IL23R: variants seen among roughly 807,000 people sequenced by gnomAD.
The protein encoded by IL23R is interleukin 23 receptor, also known as interleukin-23 receptor.
A neutral mutation model predicts 56.9 loss-of-function variants in IL23R; 34 were observed. The observed-to-expected ratio is 0.60, with a 90% CI of 0.45 to 0.80. The LOEUF is 0.80. IL23R is among the 30% of genes least tolerant of loss of function. IL23R has a pLI of 0.00. For synonymous variants in IL23R, 230 were observed against 249.2 expected, an observed-to-expected ratio of 0.92 and a Z score of 0.73; for missense variants, 635 against 730.0, an observed-to-expected ratio of 0.87 and a Z score of 1.50.
At chr1:67,232,599 A>T (rs987257378) in intron 7 of IL23R, among the ~76,000 whole-genome samples, 1 of 152,234 alleles carries the variant, frequency 6.6e-6, no homozygotes, top group African/African-American at 2.4e-5. Context: ...CCTTATCCGT[A>T]TAATGAGGAT....
At chr1:67,190,551 A>G (rs1647667009) in intron 4 of IL23R, among the ~76,000 whole-genome samples, 1 of 152,144 alleles carries the variant, frequency 6.6e-6, no homozygotes, top group South Asian at 2.1e-4. Context: ...AAACACTGGT[A>G]ATGTCTGGCT....
intron 9 of IL23R, among the ~76,000 whole-genome samples, chr1:67,248,196 C>T (rs184465519): frequency 6.6e-6 from 1 of 152,124 alleles, no homozygotes; most frequent in Non-Finnish European, 1.5e-5. Context: ...TGGATAATAT[C>T]CTGAAATGTG....
At position 67,258,550 on chromosome 1, in the gene IL23R, A is replaced by G; in HGVS notation, c.1312A>G (p.Lys438Glu). Reference protein sequence around the residue: ...LYVDPMITEIKEIFIPEHKPT... With the variant: ...LYVDPMITEIEEIFIPEHKPT... ...TGTTGATCCCATGATTACAGAGATA[A>G]AAGAAATCTTCATCCCAGAACACAA... is the stretch of plus-strand genomic sequence containing the variant. The change falls in exon 11 of 11, where the codon AAA becomes GAA. Residue 438 changes from lysine (K) to glutamate (E), a missense_variant. Physicochemically the swap from Lys to Glu is moderately conservative, Grantham distance 56. Transcript: ENST00000347310. 1 of 1,609,042 alleles carries G rather than the reference A, an allele frequency of 6.2e-7. No homozygotes were observed. Among genetic ancestry groups the G allele is most frequent in the South Asian group, 1.1e-5 (1 of 90,048 alleles).
At position 67,258,396 on chromosome 1, in the gene IL23R, C is replaced by T. The variant is rs147002812; in HGVS notation, c.1240-82C>T. The T allele has an allele frequency of 2.8e-6, 3 of 1,081,624 alleles. No individual in the cohort carries two copies. The African/African-American group carries it at 4.7e-5, about 17-fold the overall frequency. 67.0% of individuals were successfully genotyped at this position (1,081,624 alleles called of 1,614,324 possible). The stretch of plus-strand genomic sequence containing the variant: ...GGGAGAAAGGAAAGTTGAAAGAAAG[C>T]AAAATTCCTATCCTCATTCAATTAT... On this transcript the variant is annotated intron_variant, in intron 10 of 10. Transcript: ENST00000347310.
At chr1:67,240,791 A>G (rs769121844) in intron 9 of IL23R, among the ~76,000 whole-genome samples, 1 of 152,250 alleles carries the variant, frequency 6.6e-6, no homozygotes, top group Non-Finnish European at 1.5e-5. Context: ...GAATTACAGC[A>G]GATTCAGAAA....
intron 1 of IL23R, among the ~76,000 whole-genome samples, chr1:67,149,891 T>G (rs979656327): frequency 6.6e-6 from 1 of 152,202 alleles, no homozygotes; most frequent in African/African-American, 2.4e-5. Context: ...TATATACAGT[T>G]AACTACTTTT....
intron 9 of IL23R, among the ~76,000 whole-genome samples, chr1:67,253,367 G>A (rs1034607039): frequency 7.2e-5 from 11 of 152,162 alleles, no homozygotes; most frequent in Admixed American, 3.9e-4. Flanking sequence ...TAAGCTGCTC[G>A]ATAGATTAGA....
intron 6 of IL23R, among the ~76,000 whole-genome samples, chr1:67,214,777 T>C (rs554790238): frequency 7.9e-5 from 12 of 152,356 alleles, no homozygotes; most frequent in African/African-American, 1.2e-4. Context: ...TATTGTTTTA[T>C]ATTTTTTTAT....
chr1:67,218,358 G>GTATATATA (rs1270428311), intron 6 of IL23R, among the ~76,000 whole-genome samples: 59 of 137,842 alleles, frequency 4.3e-4, no homozygotes, highest in South Asian at 1.9e-3. Flanking sequence ...GTGTGTGTGT[G>GTATATATA]TATATATATA....
At chr1:67,230,409 G>A (rs564355379) in intron 7 of IL23R, among the ~76,000 whole-genome samples, 2 of 152,308 alleles carry the variant, frequency 1.3e-5, no homozygotes, top group South Asian at 4.1e-4. Context: ...GGAATCTGTT[G>A]GCCACTGTGT....
At chr1:67,221,276 G>C (rs537323545) in intron 7 of IL23R, among the ~76,000 whole-genome samples, 1 of 151,128 alleles carries the variant, frequency 6.6e-6, no homozygotes, top group East Asian at 2.0e-4. Context: ...AGCCGAGATC[G>C]CGCCACTGCA....
intron 7 of IL23R, among the ~76,000 whole-genome samples, chr1:67,225,737 T>C (rs1650574553): frequency 6.6e-6 from 1 of 151,994 alleles, no homozygotes; most frequent in Non-Finnish European, 1.5e-5. Flanking sequence ...CTCGAACTCC[T>C]GACCTCAAAT....
chr1:67,207,619 A>G (rs1463598974), intron 6 of IL23R: 3 of 388,048 alleles, frequency 7.7e-6, no homozygotes, highest in African/African-American at 6.4e-5. Flanking sequence ...CTTCTTCCTC[A>G]TTTTCTCTTG....
At chr1:67,233,376 A>G (rs1038968654) in intron 7 of IL23R, among the ~76,000 whole-genome samples, 1 of 151,760 alleles carries the variant, frequency 6.6e-6, no homozygotes, top group Non-Finnish European at 1.5e-5. Context: ...AAAAAAAAAA[A>G]TCCGGTTTTG....
chr1:67,141,171 G>A lies in IL23R; in HGVS notation c.-634+2010G>A, dbSNP rs1003743963. ...CACAGAATGATTCTTTTAAGACAAA[G>A]TATAAGTCTCTGTTCAAAGAAAAAG... On this transcript the variant is annotated intron_variant, in intron 1 of 10. Transcript: ENST00000637002. 5.3e-5 allele frequency among the ~76,000 whole-genome samples: 8 copies of A among 152,136 alleles called. 1 individual carries two copies. The highest frequency in any genetic ancestry group is 8.8e-5 in the Non-Finnish European group (6 of 68,000).
chr1:67,259,965 G>GAAAAAAAAAAAAAAAAAAAAAAAAA (rs372460431), exon 11 of IL23R: 1 of 76,076 alleles, frequency 1.3e-5, no homozygotes, highest in Non-Finnish European at 2.3e-5. Context: ...ACTCTGTCTG[G>GAAAAAAAAAAAAAAAAAAAAAAAAA]AAAAAAAAAA....
At chr1:67,256,073 C>T (rs1652930313) in intron 10 of IL23R, 146 bp downstream of exon 10, 2 of 588,848 alleles carry the variant, frequency 3.4e-6, no homozygotes, top group Admixed American at 2.8e-5. Context: ...CAAAACTGTA[C>T]CTGTTTCAAA....
intron 4 of IL23R, among the ~76,000 whole-genome samples, chr1:67,190,868 G>C (rs1647687094): frequency 6.6e-6 from 1 of 152,136 alleles, no homozygotes; most frequent in Non-Finnish European, 1.5e-5. Context: ...AATTCATAAG[G>C]CCTGTTTGTT....
chr1:67,251,920 T>C (rs1393547695), intron 9 of IL23R, among the ~76,000 whole-genome samples: 2 of 152,162 alleles, frequency 1.3e-5, no homozygotes, highest in Non-Finnish European at 2.9e-5. Context: ...ACCCTAAAAT[T>C]CCTGTTCCCT....
Sources: allele counts gnomAD v4.1 joint callset (sites outside exome capture counted in the v4.1 genomes callset), GRCh38; gene constraint gnomAD v4.1.1; transcripts MANE v1.5; gene names NCBI Gene and HGNC (gene_info 2026-07-23, HGNC 2026-07-21).